Variants in CFAP299 observed in about 807,000 individuals in gnomAD.
The protein encoded by CFAP299 is cilia and flagella associated protein 299, also known as cilia- and flagella-associated protein 299.
Under a neutral mutation model 27.0 loss-of-function variants are expected in CFAP299, and 21 were observed. The ratio of observed to expected loss-of-function variants is 0.78; its 90% CI spans 0.55 to 1.12. CFAP299 has a LOEUF of 1.12. Ranked by LOEUF, CFAP299 falls within the 50% of genes most tolerant of loss-of-function variation. The probability of loss-of-function intolerance (pLI) is 0.00; values close to 1 mark genes in which losing one functional copy is unlikely to be tolerated. For synonymous variants in CFAP299, 104 were observed against 98.1 expected (o/e 1.06, Z -0.36); for missense variants, 310 against 276.6 (o/e 1.12, Z -0.86).
At chr4:80,520,407 G>A (rs139256428) in intron 2 of CFAP299, among the ~76,000 whole-genome samples, 2,215 of 152,178 alleles carry the variant, frequency 0.015, 32 homozygotes, top group South Asian at 0.076. Flanking sequence ...GACACAATAG[G>A]GAAAATTATG....
chr4:80,402,707 A>G lies in CFAP299; in HGVS notation c.242+39823A>G, dbSNP rs183082519. On this transcript the variant is annotated intron_variant, in intron 2 of 5. Transcript: ENST00000358105. ...AGGATGAAGACTCTAGCTTTCTGGT[A>G]TCAGAGCAAACTGCTCTGGATTTCT... Among the ~76,000 whole-genome samples, 4 of 152,358 alleles carry G rather than the reference A, an allele frequency of 2.6e-5. No individual in the cohort carries two copies. The East Asian group carries it at 5.8e-4, about 22-fold the overall frequency.
At chr4:80,689,392 A>C (rs185517585) in intron 3 of CFAP299, among the ~76,000 whole-genome samples, 111 of 152,350 alleles carry the variant, frequency 7.3e-4, no homozygotes, top group African/African-American at 2.5e-3. Flanking sequence ...AATATTCAAC[A>C]TTCTCAAAGA....
At chr4:80,594,273 CAG>C (rs1344906690) in intron 3 of CFAP299, among the ~76,000 whole-genome samples, 1 of 152,138 alleles carries the variant, frequency 6.6e-6, no homozygotes, top group African/African-American at 2.4e-5. Flanking sequence ...GCAGGAAAGA[CAG>C]AGAGATTGAA....
chr4:80,412,357 T>G (rs1726764871), intron 2 of CFAP299, among the ~76,000 whole-genome samples: 2 of 151,748 alleles, frequency 1.3e-5, no homozygotes, highest in South Asian at 4.2e-4. Context: ...TACTCCTAAA[T>G]GAATGTGTTT....
At chr4:80,699,217 G>A (rs368466412) in intron 3 of CFAP299, among the ~76,000 whole-genome samples, 10 of 152,076 alleles carry the variant, frequency 6.6e-5, no homozygotes, top group African/African-American at 2.4e-4. Context: ...ATCAAGTATT[G>A]TCTCAGATGT....
At chr4:80,357,040 C>G (rs1723313332) in intron 1 of CFAP299, among the ~76,000 whole-genome samples, 1 of 152,120 alleles carries the variant, frequency 6.6e-6, no homozygotes, top group Non-Finnish European at 1.5e-5. Flanking sequence ...GAATTTTTAA[C>G]ATGAAGGGAT....
chr4:80,762,397 C>T (rs1725587356), intron 3 of CFAP299, among the ~76,000 whole-genome samples: 1 of 151,978 alleles, frequency 6.6e-6, no homozygotes, highest in Non-Finnish European at 1.5e-5. Context: ...GTCTGAGTGT[C>T]ATACTTGCAA....
chr4:80,509,603 T>C (rs758603670), intron 2 of CFAP299, among the ~76,000 whole-genome samples: 1 of 152,168 alleles, frequency 6.6e-6, no homozygotes, highest in Non-Finnish European at 1.5e-5. Flanking sequence ...TTCTGAAACA[T>C]AGTAACTAGA....
At chr4:80,647,157 A>G (rs978489947) in intron 3 of CFAP299, among the ~76,000 whole-genome samples, 4 of 152,226 alleles carry the variant, frequency 2.6e-5, no homozygotes, top group African/African-American at 4.8e-5. Flanking sequence ...ACTCCAAAAC[A>G]TAAGTTCTAA....
chr4:80,684,859 G>A (rs1720085635), intron 3 of CFAP299, among the ~76,000 whole-genome samples: 1 of 151,664 alleles, frequency 6.6e-6, no homozygotes, highest in Non-Finnish European at 1.5e-5. Flanking sequence ...TCAAAATGAT[G>A]TATCTCTGTT....
chr4:80,961,571 C>T (rs1307514763), intron 5 of CFAP299, among the ~76,000 whole-genome samples: 2 of 151,726 alleles, frequency 1.3e-5, no homozygotes, highest in Admixed American at 1.3e-4. Context: ...TAACCTAATT[C>T]ATTACCCTCC....
chr4:80,422,373 TAAA>T (rs11346648), intron 2 of CFAP299, among the ~76,000 whole-genome samples: 1 of 145,022 alleles, frequency 6.9e-6, no homozygotes. Context: ...CTGCTAAAAT[TAAA>T]AAAAAAAAAA....
intron 2 of CFAP299, among the ~76,000 whole-genome samples, chr4:80,507,556 A>G (rs1732096223): frequency 1.3e-5 from 2 of 152,266 alleles, no homozygotes; most frequent in South Asian, 4.1e-4. Context: ...ATTCAATTTT[A>G]ATTGAAATCT....
intron 3 of CFAP299, among the ~76,000 whole-genome samples, chr4:80,615,572 A>C (rs1738228725): frequency 6.6e-6 from 1 of 150,614 alleles, no homozygotes; most frequent in African/African-American, 2.4e-5. Context: ...TTGCTTTGTC[A>C]CCCAGGCTGG....
At chr4:80,392,775 A>G (rs1331489693) in intron 2 of CFAP299, among the ~76,000 whole-genome samples, 2 of 152,170 alleles carry the variant, frequency 1.3e-5, no homozygotes, top group East Asian at 3.8e-4. Context: ...AAATGAAAAA[A>G]AAAGTGTAGC....
At position 80,504,724 on chromosome 4, in the gene CFAP299, T is replaced by C. The variant is rs1432884990; in HGVS notation, c.243-78369T>C. Among the ~76,000 whole-genome samples, 4 of 147,400 alleles carry C rather than the reference T, an allele frequency of 2.7e-5. No individual in the cohort carries two copies. In the East Asian group the frequency reaches 5.9e-4, roughly 22 times the overall value. ...GTAGAAGTGAGCGATTATGTGGCATTTGTAGTGAGGTTAAGGGTATATGGG... is the reference window on the plus strand; with the variant it reads ...GTAGAAGTGAGCGATTATGTGGCATCTGTAGTGAGGTTAAGGGTATATGGG... On this transcript the variant is annotated intron_variant, in intron 2 of 5. Transcript: ENST00000358105.
intron 3 of CFAP299, among the ~76,000 whole-genome samples, chr4:80,618,396 C>G (rs1390016064): frequency 6.6e-6 from 1 of 152,004 alleles, no homozygotes. Flanking sequence ...TGAAGGACAA[C>G]CAGCCAAGTA....
rs1470844178 is a variant in CFAP299, at chr4:80,756,933, A to G, written c.334-113060A>G. Among the ~76,000 whole-genome samples, 3 of 152,216 alleles carry G rather than the reference A, an allele frequency of 2.0e-5. No individual in the cohort carries two copies. In the East Asian group the frequency reaches 5.8e-4, roughly 29 times the overall value. ...TAGAATTAATGGCCTCCTAAAATAT[A>G]TTGGATATTTACAAAATAATGTATT... On this transcript the variant is annotated intron_variant, in intron 3 of 5. Transcript: ENST00000358105.
chr4:80,520,866 A>C (rs972104870), intron 2 of CFAP299, among the ~76,000 whole-genome samples: 2 of 152,194 alleles, frequency 1.3e-5, no homozygotes, highest in Non-Finnish European at 2.9e-5. Flanking sequence ...AATTTATGAC[A>C]AGCAAATGTA....
Sources: allele counts gnomAD v4.1 joint callset (sites outside exome capture counted in the v4.1 genomes callset), GRCh38; gene constraint gnomAD v4.1.1; transcripts MANE v1.5; gene names NCBI Gene and HGNC (gene_info 2026-07-23, HGNC 2026-07-21).